TLE1: variants seen among roughly 807,000 people sequenced by gnomAD.
The protein encoded by TLE1 is TLE family member 1, transcriptional corepressor, also known as transducin-like enhancer protein 1.
A neutral mutation model predicts 89.8 loss-of-function variants in TLE1; 21 were observed. That is an observed-to-expected ratio of 0.23 (90% CI 0.17 to 0.34). The LOEUF (loss-of-function observed/expected upper bound fraction) is 0.34, where lower values mean the gene tolerates loss of function less well. Ranked by LOEUF, TLE1 falls within the 10% of genes least tolerant of loss-of-function variation. TLE1 has a pLI of 1.00. For missense variants in TLE1, 795 were observed against 1,031.2 expected (o/e 0.77, Z 3.14); for synonymous variants, 447 against 407.6 (o/e 1.10, Z -1.16).
intron 13 of TLE1, 34 bp from the exon 14 acceptor site, chr9:81,610,330 T>G: frequency 6.4e-7 from 1 of 1,552,400 alleles, no homozygotes; most frequent in Non-Finnish European, 8.9e-7. Flanking sequence ...CAGACTCAGT[T>G]TATTGCAGCA....
At chr9:81,630,257 A>C (rs1826406726) in intron 8 of TLE1, among the ~76,000 whole-genome samples, 4 of 152,182 alleles carry the variant, frequency 2.6e-5, no homozygotes, top group Admixed American at 2.6e-4. Flanking sequence ...TTCTCTTCCT[A>C]AACGTCAACT....
intron 4 of TLE1, among the ~76,000 whole-genome samples, chr9:81,664,369 G>A (rs1255179500): frequency 6.6e-6 from 1 of 152,158 alleles, no homozygotes; most frequent in African/African-American, 2.4e-5. Context: ...AGGAAAGGAA[G>A]AGTTCTTTGC....
At chr9:81,616,509 C>T in intron 10 of TLE1, 137 bp downstream of exon 10, 1 of 790,894 alleles carries the variant, frequency 1.3e-6, no homozygotes, top group Non-Finnish European at 2.1e-6. Flanking sequence ...ACATGAGCAA[C>T]CATTAACTTC....
At chr9:81,597,460 G>C (rs1389156083) in intron 14 of TLE1, among the ~76,000 whole-genome samples, 2 of 152,144 alleles carry the variant, frequency 1.3e-5, no homozygotes, top group Admixed American at 6.5e-5. Flanking sequence ...TGAGAGTGGG[G>C]GAAATGGCAG....
chr9:81,600,057 C>T (rs779294513), intron 14 of TLE1: 24 of 727,632 alleles, frequency 3.3e-5, no homozygotes, highest in Non-Finnish European at 5.6e-5. Context: ...TAGGACCTAA[C>T]TTCCTCTATC....
At chr9:81,598,032 C>A (rs555734144) in intron 14 of TLE1, among the ~76,000 whole-genome samples, 2 of 152,226 alleles carry the variant, frequency 1.3e-5, no homozygotes, top group East Asian at 3.9e-4. Context: ...TAATGAAGAA[C>A]CACAGACCCC....
At chr9:81,637,261 G>C (rs1043280762) in intron 6 of TLE1, among the ~76,000 whole-genome samples, 4 of 152,192 alleles carry the variant, frequency 2.6e-5, no homozygotes, top group Admixed American at 6.5e-5. Flanking sequence ...GAAAGGCTGA[G>C]GTGGGAGAAT....
In TLE1 at chr9:81,628,776, CG is replaced by C. The variant is rs548773510; in HGVS notation, c.594+4571del. ...TCAATCTGTTAACTAAGTATGTGAC[CG>C]GATGCACCCAGCCTCCTTGATAAAA... On this transcript the variant is annotated intron_variant, in intron 8 of 19. Coordinates refer to ENST00000376499, the MANE Select transcript of TLE1 (RefSeq NM_005077.5). Among the ~76,000 whole-genome samples, 499 of 152,208 alleles carry C rather than the reference CG, an allele frequency of 3.3e-3. 3 individuals carry two copies. Among genetic ancestry groups the C allele is most frequent in the African/African-American group, 0.011 (471 of 41,522 alleles).
intron 6 of TLE1, among the ~76,000 whole-genome samples, chr9:81,642,758 A>T (rs1171128353): frequency 6.6e-6 from 1 of 152,190 alleles, no homozygotes; most frequent in African/African-American, 2.4e-5. Context: ...AAATCAGTAT[A>T]TCAAAGATAC....
chr9:81,605,182 T>G (rs1831473032), intron 14 of TLE1, among the ~76,000 whole-genome samples: 1 of 152,156 alleles, frequency 6.6e-6, no homozygotes, highest in Admixed American at 6.5e-5. Context: ...TTTAACGCCT[T>G]GTTCACTCTA....
At chr9:81,654,405 A>G (rs1229823983) in intron 4 of TLE1, among the ~76,000 whole-genome samples, 1 of 152,106 alleles carries the variant, frequency 6.6e-6, no homozygotes, top group Non-Finnish European at 1.5e-5. Context: ...CAGTGGCACG[A>G]TCTCGGCTCA....
intron 14 of TLE1, among the ~76,000 whole-genome samples, chr9:81,606,755 C>T (rs1288550308): frequency 6.6e-6 from 1 of 150,998 alleles, no homozygotes; most frequent in African/African-American, 2.4e-5. Flanking sequence ...TACACATGTA[C>T]CCTAGAACTT....
intron 18 of TLE1, 124 bp downstream of exon 18, chr9:81,585,381 G>C: frequency 8.0e-7 from 1 of 1,245,902 alleles, no homozygotes; most frequent in Non-Finnish European, 1.1e-6. Context: ...TAAAACAATA[G>C]AATTATTGCA....
At chr9:81,675,702 T>TTTG (rs1329983410) in intron 4 of TLE1, among the ~76,000 whole-genome samples, 2 of 140,260 alleles carry the variant, frequency 1.4e-5, no homozygotes, top group African/African-American at 5.8e-5. Flanking sequence ...ACACTAGTTT[T>TTTG]TTTTTGTTTT....
At chr9:81,593,577 C>CA (rs1054560433) in intron 14 of TLE1, among the ~76,000 whole-genome samples, 67 of 152,272 alleles carry the variant, frequency 4.4e-4, no homozygotes, top group African/African-American at 1.3e-3. Context: ...TTATAAAACA[C>CA]TTAATGTACT....
At chr9:81,643,237 TTTTTTGG>T (rs978943048) in intron 6 of TLE1, among the ~76,000 whole-genome samples, 5 of 141,460 alleles carry the variant, frequency 3.5e-5, no homozygotes, top group African/African-American at 1.0e-4. Context: ...TTGTTTTTTG[TTTTTTGG>T]TTTTTTTTTT....
intron 16 of TLE1, 25 bp downstream of exon 16, chr9:81,590,780 T>TC (rs771456157): frequency 1.2e-5 from 20 of 1,606,660 alleles, no homozygotes; most frequent in Non-Finnish European, 1.7e-5. Context: ...AGCGAACCCC[T>TC]CCTTAGACGA....
chr9:81,640,414 C>T (rs957236512), intron 6 of TLE1, among the ~76,000 whole-genome samples: 1 of 151,178 alleles, frequency 6.6e-6, no homozygotes, highest in African/African-American at 2.4e-5. Context: ...AAAAAAAATC[C>T]TTGTATTTTA....
chr9:81,629,801 A>G (rs1264958875), intron 8 of TLE1, among the ~76,000 whole-genome samples: 1 of 152,224 alleles, frequency 6.6e-6, no homozygotes. Flanking sequence ...GAAAAGGTAC[A>G]GTAAAAATAC....
Sources: allele counts gnomAD v4.1 joint callset (sites outside exome capture counted in the v4.1 genomes callset), GRCh38; gene constraint gnomAD v4.1.1; transcripts MANE v1.5; gene names NCBI Gene and HGNC (gene_info 2026-07-23, HGNC 2026-07-21).